The following ITGAE variants were observed in gnomAD, a reference collection of about 807,000 sequenced individuals.
ITGAE encodes integrin subunit alpha E, also known as integrin alpha-E.
ITGAE carries 99 observed loss-of-function variants against 136.5 expected under a neutral mutation model. The ratio of observed to expected loss-of-function variants is 0.73; its 90% CI spans 0.62 to 0.86. The LOEUF (loss-of-function observed/expected upper bound fraction) is 0.86. Among genes scored for constraint, ITGAE ranks in the 40% least tolerant of loss-of-function variants. The pLI is 0.00. For missense variants in ITGAE, 1,447 were observed against 1,515.3 expected, an observed-to-expected ratio of 0.95 and a Z score of 0.75; for synonymous variants, 613 against 591.8, an observed-to-expected ratio of 1.04 and a Z score of -0.52.
chr17:3,753,565 A>G, intron 13 of ITGAE, 135 bp from the exon 14 acceptor site: 1 of 1,206,884 alleles, frequency 8.3e-7, no homozygotes, highest in Non-Finnish European at 1.2e-6. Context: ...TGAGAGTAAC[A>G]GAAGAGTGGA....
chr17:3,725,464 T>C lies in ITGAE; in HGVS notation c.3085-1720A>G, dbSNP rs1381100517. The stretch of plus-strand genomic sequence containing the variant: ...ATTGCTGATCACACACCCGTAGCCA[T>C]AAAAATCATTGCTATTGAAGGACCA... On this transcript the variant is annotated intron_variant, in intron 26 of 30. Transcript: ENST00000263087. 3.7e-6 allele frequency: 6 copies of C among 1,614,066 alleles called. No individual in the cohort carries two copies. The highest frequency in any genetic ancestry group is 5.1e-6 in the Non-Finnish European group (6 of 1,180,038).
chr17:3,723,894 T>A (rs755409216), intron 26 of ITGAE, 150 bp from the exon 27 acceptor site: 1 of 1,527,316 alleles, frequency 6.5e-7, no homozygotes, highest in Non-Finnish European at 8.8e-7. Context: ...CGCACGGAAG[T>A]CTCGCGATGT....
chr17:3,731,022 G>T, intron 23 of ITGAE, 82 bp downstream of exon 23: 3 of 1,148,330 alleles, frequency 2.6e-6, no homozygotes, highest in Non-Finnish European at 2.6e-6. Flanking sequence ...TAAGGGGGCC[G>T]TTCCTCTCAC....
At chr17:3,777,789 TG>T in intron 1 of ITGAE, 129 bp from the exon 2 acceptor site, 1 of 1,107,548 alleles carries the variant, frequency 9.0e-7, no homozygotes, top group Non-Finnish European at 1.2e-6. Context: ...TTTATGTGTG[TG>T]TGAGAGAGAA....
At chr17:3,749,151 T>C (rs2051795305) in intron 16 of ITGAE, among the ~76,000 whole-genome samples, 1 of 151,384 alleles carries the variant, frequency 6.6e-6, no homozygotes, top group Non-Finnish European at 1.5e-5. Context: ...TACGTTTTCA[T>C]CCTGAATTGC....
intron 1 of ITGAE, among the ~76,000 whole-genome samples, chr17:3,781,961 G>A (rs2052675563): frequency 6.6e-6 from 1 of 151,936 alleles, no homozygotes; most frequent in Non-Finnish European, 1.5e-5. Flanking sequence ...CTCCACATCA[G>A]ATGCTAGAAA....
At chr17:3,797,859 C>G (rs1020124717) in intron 1 of ITGAE, among the ~76,000 whole-genome samples, 1 of 152,216 alleles carries the variant, frequency 6.6e-6, no homozygotes, top group Non-Finnish European at 1.5e-5. Context: ...TCACGGGCCT[C>G]TCTGCCTCCC....
intron 12 of ITGAE, chr17:3,754,795 C>T: frequency 2.6e-6 from 1 of 386,128 alleles, no homozygotes; most frequent in East Asian, 5.1e-5. Flanking sequence ...GGCCTCTAGG[C>T]CCCGCCCTCA....
intron 1 of ITGAE, among the ~76,000 whole-genome samples, chr17:3,790,707 T>C (rs2052916944): frequency 6.6e-6 from 1 of 151,990 alleles, no homozygotes; most frequent in African/African-American, 2.4e-5. Flanking sequence ...TGAACATAGA[T>C]ATTCTGCAAC....
chr17:3,763,732 G>C (rs2052228272), intron 3 of ITGAE, 137 bp downstream of exon 3: 1 of 715,046 alleles, frequency 1.4e-6, no homozygotes, highest in African/African-American at 1.7e-5. Flanking sequence ...GAATCTTGCT[G>C]TGGGTTATGC....
At chr17:3,760,910 T>C in intron 6 of ITGAE, 103 bp downstream of exon 6, 2 of 1,474,368 alleles carry the variant, frequency 1.4e-6, no homozygotes, top group Non-Finnish European at 1.8e-6. Flanking sequence ...GTCCAGCCAC[T>C]GCTCCCCATC....
rs1484123594 is a variant in ITGAE, at chr17:3,723,656, C to T, written c.3141+32G>A. 4 of 1,550,250 alleles carry T rather than the reference C, an allele frequency of 2.6e-6. No homozygotes were observed. In the East Asian group the frequency reaches 9.5e-5, roughly 37 times the overall value. Reference sequence around the variant, plus strand: ...CGTTACCCGCTTCAGGCCCTCCGCCCTCCCCTGGCCTCTCGGGACGGCCGC... The same window carrying T: ...CGTTACCCGCTTCAGGCCCTCCGCCTTCCCCTGGCCTCTCGGGACGGCCGC... On this transcript the variant is annotated intron_variant, in intron 27 of 30. Transcript: ENST00000263087.
chr17:3,737,257 C>A (rs528041776), intron 20 of ITGAE, among the ~76,000 whole-genome samples: 1 of 152,206 alleles, frequency 6.6e-6, no homozygotes, highest in Non-Finnish European at 1.5e-5. Flanking sequence ...CGCGCCACTG[C>A]ACTCCTGCCT....
At chr17:3,742,253 C>T (rs1166585307) in intron 19 of ITGAE, among the ~76,000 whole-genome samples, 1 of 152,142 alleles carries the variant, frequency 6.6e-6, no homozygotes, top group Non-Finnish European at 1.5e-5. Context: ...AGATAAATAA[C>T]TGTAGAACGC....
At chr17:3,770,501 G>A (rs2052395191) in intron 2 of ITGAE, among the ~76,000 whole-genome samples, 1 of 152,082 alleles carries the variant, frequency 6.6e-6, no homozygotes, top group African/African-American at 2.4e-5. Flanking sequence ...CCATGATGCT[G>A]CCAGCCCTGG....
Position 3,751,740 on chromosome 17 carries a change from CA to C in ITGAE, c.1802del (p.Leu601ArgfsTer82), listed in dbSNP as rs2051874679. 6 of 1,614,066 alleles carry C rather than the reference CA, an allele frequency of 3.7e-6. No homozygotes were observed. Among genetic ancestry groups the C allele is most frequent in the Non-Finnish European group, 5.1e-6 (6 of 1,179,976 alleles). On this transcript the variant is annotated frameshift_variant, in exon 15 of 31. Transcript: ENST00000263087. LOFTEE classifies it high-confidence loss of function. ...CACCATCATCTGCCCCAAAACCTTC[CA>C]GGGGGGCCCCGATGGCCACATCTGT... ...KLTDVAIGAP[L>X]EGFGADDGAS...
intron 29 of ITGAE, among the ~76,000 whole-genome samples, 173 bp downstream of exon 29, chr17:3,720,134 C>T (rs1236405744): frequency 1.3e-5 from 2 of 152,112 alleles, no homozygotes; most frequent in African/African-American, 4.8e-5. Flanking sequence ...TCTTAATTGC[C>T]TTATTTCATA....
intron 24 of ITGAE, chr17:3,728,423 G>A (rs1198689574): frequency 4.9e-6 from 2 of 406,482 alleles, no homozygotes; most frequent in African/African-American, 2.1e-5. Context: ...GCCCAGGCTG[G>A]AGTGCAGTGG....
chr17:3,737,458 G>T (rs1375299524), intron 20 of ITGAE, among the ~76,000 whole-genome samples: 1 of 144,620 alleles, frequency 6.9e-6, no homozygotes, highest in East Asian at 1.9e-4. Flanking sequence ...TGGCTGAGTG[G>T]TGCCGGTGGC....
Sources: allele counts gnomAD v4.1 joint callset (sites outside exome capture counted in the v4.1 genomes callset), GRCh38; gene constraint gnomAD v4.1.1; transcripts MANE v1.5; gene names NCBI Gene and HGNC (gene_info 2026-07-23, HGNC 2026-07-21).